The following DTX1 variants were observed in gnomAD, a reference collection of about 807,000 sequenced individuals.
The protein encoded by DTX1 is E3 ubiquitin-protein ligase DTX1.
DTX1 carries 26 observed loss-of-function variants against 57.8 expected under a neutral mutation model. The ratio of observed to expected loss-of-function variants is 0.45; its 90% CI spans 0.33 to 0.62. The LOEUF (loss-of-function observed/expected upper bound fraction) is 0.62, where lower values mean the gene tolerates loss of function less well. Ranked by LOEUF, DTX1 falls within the 20% of genes least tolerant of loss-of-function variation. DTX1 has a pLI of 0.02. For synonymous variants in DTX1, 398 were observed against 394.1 expected (o/e 1.01, Z -0.12); for missense variants, 704 against 895.3 (o/e 0.79, Z 2.73).
intron 3 of DTX1, among the ~76,000 whole-genome samples, chr12:113,079,371 C>T (rs2044798800): frequency 6.6e-6 from 1 of 152,244 alleles, no homozygotes; most frequent in Non-Finnish European, 1.5e-5. Context: ...TTTGGGGTCA[C>T]TGCATCCAGC....
rs959091398 is a variant in DTX1, at chr12:113,077,587, C to T, written c.423C>T (p.Asp141=). ...ACGAGAAGCAGCACCCGTGGCTCGA[C>T]CTCTCATCGCTAGGCTTCTGCTACC... ...NAYEKQHPWL[D]LSSLGFCYLI... Residue 141 remains aspartate (D), a synonymous_variant, in exon 3 of 10, where the codon GAC becomes GAT. Transcript: ENST00000548759. The surrounding 1 kb of genome is among the most constrained non-coding windows in gnomAD (Gnocchi z 7.8). 12 of 1,613,582 alleles carry T rather than the reference C, an allele frequency of 7.4e-6. No homozygotes were observed. The highest frequency in any genetic ancestry group is 1.0e-5 in the Non-Finnish European group (12 of 1,179,936).
chr12:113,078,113 G>A lies in DTX1; in HGVS notation c.941+8G>A. The A allele has an allele frequency of 1.5e-6, 2 of 1,354,390 alleles. No individual in the cohort carries two copies. Among genetic ancestry groups the A allele is most frequent in the South Asian group, 1.7e-5 (1 of 59,528 alleles). 83.9% of individuals were successfully genotyped at this position (1,354,390 alleles called of 1,614,324 possible). On this transcript the variant is annotated splice_region_variant and intron_variant, in intron 3 of 9. Transcript: ENST00000548759. ...CGCCTCCATCCCGCCGGGGTAAGAC[G>A]GGGCCCAGGGGGAGGGGGCCTCTGC...
chr12:113,066,554 G>T (rs115473393), intron 2 of DTX1, among the ~76,000 whole-genome samples: 1 of 151,830 alleles, frequency 6.6e-6, no homozygotes, highest in Non-Finnish European at 1.5e-5. Context: ...ATCGTAGTGG[G>T]TGGGGAGATT....
At chr12:113,076,758 T>G (rs1158897059) in intron 2 of DTX1, among the ~76,000 whole-genome samples, 1 of 152,192 alleles carries the variant, frequency 6.6e-6, no homozygotes, top group Non-Finnish European at 1.5e-5. Flanking sequence ...CAAGAATTGT[T>G]GAATGACTAA....
At chr12:113,066,605 A>G (rs1448221780) in intron 2 of DTX1, among the ~76,000 whole-genome samples, 2 of 152,024 alleles carry the variant, frequency 1.3e-5, no homozygotes, top group East Asian at 3.9e-4. Flanking sequence ...TGAGCCTCTG[A>G]GCCTCTGTTT....
In DTX1 at chr12:113,058,024, A is replaced by G. The variant is rs1036359654; in HGVS notation, c.-169A>G. Reference sequence around the variant, plus strand: ...TTTGCAGCCTGGATGGCCATCCCACATTCCTTTAACGGAGGTCTCTAGGCC... The same window carrying G: ...TTTGCAGCCTGGATGGCCATCCCACGTTCCTTTAACGGAGGTCTCTAGGCC... On this transcript the variant is annotated 5_prime_UTR_variant, in exon 2 of 10. Transcript: ENST00000548759. The G allele has an allele frequency of 4.4e-6, 5 of 1,133,590 alleles. No individual in the cohort carries two copies. In the African/African-American group the frequency reaches 7.8e-5, roughly 18 times the overall value. 70.2% of individuals were successfully genotyped at this position (1,133,590 alleles called of 1,614,324 possible). A position where few individuals can be genotyped will look rare whatever the true frequency, so the allele number is the denominator to read the frequency against.
At chr12:113,092,918 G>A (rs1950258371) in intron 3 of DTX1, among the ~76,000 whole-genome samples, 1 of 152,210 alleles carries the variant, frequency 6.6e-6, no homozygotes, top group Admixed American at 6.5e-5. Flanking sequence ...AGGGTAAGGA[G>A]GTGTCTGCAC....
At chr12:113,070,357 C>T (rs991387812) in intron 2 of DTX1, among the ~76,000 whole-genome samples, 7 of 152,240 alleles carry the variant, frequency 4.6e-5, no homozygotes, top group Admixed American at 4.6e-4. Flanking sequence ...CCCAGCCTGA[C>T]AGGATGTCCC....
chr12:113,057,198 CG>C (rs1215520080), intron 1 of DTX1, among the ~76,000 whole-genome samples: 2 of 151,986 alleles, frequency 1.3e-5, no homozygotes, highest in African/African-American at 4.8e-5. Context: ...GCGAGGGCCC[CG>C]GGGGAAGGGA....
In DTX1 at chr12:113,094,853, A is replaced by G. The variant is rs781753209; in HGVS notation, c.1292A>G (p.Lys431Arg). 3 of 1,613,820 alleles carry G rather than the reference A, an allele frequency of 1.9e-6. No individual in the cohort carries two copies. The highest frequency in any genetic ancestry group is 2.5e-6 in the Non-Finnish European group (3 of 1,180,014). Residue 431 changes from lysine (K) to arginine (R), a missense_variant, in exon 7 of 10, where the codon AAG becomes AGG. Around this residue, in one of 3 missense-constraint regions of DTX1, gnomAD observed 299 missense variants for 311.2 expected, o/e 0.96. Coordinates refer to ENST00000548759, the MANE Select transcript of DTX1 (RefSeq NM_004416.3). ...ASGYEGVLRH[K>R]GVRPELVGRL... ...GGCTACGAGGGCGTGCTTCGGCACAAGGGCGTGCGGCCTGAGCTCGTGGGC... is the reference window on the plus strand; with the variant it reads ...GGCTACGAGGGCGTGCTTCGGCACAGGGGCGTGCGGCCTGAGCTCGTGGGC...
chr12:113,058,173 C>A lies in DTX1; in HGVS notation c.-20C>A. The A allele has an allele frequency of 6.3e-7, 1 of 1,583,332 alleles. No individual in the cohort carries two copies. Among genetic ancestry groups the A allele is most frequent in the Non-Finnish European group, 8.6e-7 (1 of 1,163,552 alleles). ...GGGCCTGCAATAGTGGGGGACCTGG[C>A]CCCTGAGGCAGTGGCGGCCATGTCA... is the stretch of plus-strand genomic sequence containing the variant. On this transcript the variant is annotated 5_prime_UTR_variant, in exon 2 of 10. Transcript: ENST00000548759.
At chr12:113,057,121 G>T (rs558257388) in intron 1 of DTX1, among the ~76,000 whole-genome samples, 177 bp downstream of exon 1, 7 of 151,822 alleles carry the variant, frequency 4.6e-5, no homozygotes, top group Admixed American at 1.3e-4. Context: ...CCTGGGCCGC[G>T]CCTGCAGCGC....
Position 113,097,845 on chromosome 12 carries a change from T to G in DTX1, c.*906T>G, listed in dbSNP as rs1289216014. 2 of 152,710 alleles carry G rather than the reference T, an allele frequency of 1.3e-5. No homozygotes were observed. Among genetic ancestry groups the G allele is most frequent in the African/African-American group, 4.8e-5 (2 of 41,448 alleles). The allele number at this position is 152,710 out of a possible 1,614,324, so 9.5% of individuals were successfully genotyped here. On this transcript the variant is annotated 3_prime_UTR_variant, in exon 10 of 10. Transcript: ENST00000548759. ...TTTCCCTTTCGTTGGGAGTGGGCAG[T>G]GGGGTGGCTAATTGTCTTCGGCCAA...
At chr12:113,058,516 G>A in intron 2 of DTX1, 65 bp downstream of exon 2, 1 of 1,530,940 alleles carries the variant, frequency 6.5e-7, no homozygotes, top group Non-Finnish European at 8.7e-7. Context: ...AGCGTAGGAT[G>A]CTGAAAATCC....
intron 3 of DTX1, among the ~76,000 whole-genome samples, chr12:113,083,290 C>T (rs1452922712): frequency 1.3e-5 from 2 of 152,190 alleles, no homozygotes; most frequent in African/African-American, 2.4e-5. Flanking sequence ...CAGTTCAGCC[C>T]ATAACAATGT....
At position 113,077,584 on chromosome 12, in the gene DTX1, C is replaced by A; in HGVS notation, c.420C>A (p.Leu140=). The A allele has an allele frequency of 4.3e-6, 7 of 1,613,716 alleles. No individual in the cohort carries two copies. Among genetic ancestry groups the A allele is most frequent in the Non-Finnish European group, 5.1e-6 (6 of 1,179,916 alleles). ...CCTACGAGAAGCAGCACCCGTGGCT[C>A]GACCTCTCATCGCTAGGCTTCTGCT... ...QNAYEKQHPW[L]DLSSLGFCYL... The change falls in exon 3 of 10, where the codon CTC becomes CTA. Residue 140 remains leucine (L), a synonymous_variant. Transcript: ENST00000548759. The surrounding 1 kb of genome is among the most constrained non-coding windows in gnomAD (Gnocchi z 7.8).
chr12:113,057,957 GGCAGCACCCTTT>G lies in DTX1; in HGVS notation c.-235_-224del. 1.6e-6 allele frequency: 1 copy of G among 633,300 alleles called. No individual in the cohort carries two copies. The allele number at this position is 633,300 out of a possible 1,614,324, so 39.2% of individuals were successfully genotyped here. ...CATAAGAGAGACACTTGCTTTCCAGGGCAGCACCCTTTATCGGAGAAGGCTCTACAGGGAAGG... is the reference window on the plus strand; with the variant it reads ...CATAAGAGAGACACTTGCTTTCCAGGATCGGAGAAGGCTCTACAGGGAAGG... On this transcript the variant is annotated 5_prime_UTR_variant, in exon 2 of 10. Transcript: ENST00000548759.
rs144014904 is a variant in DTX1 at position 113,094,944 on chromosome 12, C to A, written c.1383C>A (p.Asn461Lys). 19 of 1,612,426 alleles carry A rather than the reference C, an allele frequency of 1.2e-5. No homozygotes were observed. The highest frequency in any genetic ancestry group is 1.6e-5 in the Non-Finnish European group (19 of 1,178,912). Residue 461 changes from asparagine to lysine, a missense_variant, in exon 7 of 10, where the codon AAC (asparagine) becomes AAA (lysine). This residue lies in a region of DTX1 where 168 missense variants were observed against 255.6 expected (regional missense o/e 0.66). Coordinates refer to ENST00000548759, the MANE Select transcript of DTX1 (RefSeq NM_004416.3). ...TCGTGGCCATGTACTCCAATGGCAA[C>A]AAGGTGGGTTGGGCGGGACAATGGC... Reference protein sequence around the residue: ...LCLVAMYSNGNKDGSLQCPTC... With the variant: ...LCLVAMYSNGKKDGSLQCPTC...
In DTX1 at chr12:113,085,207, C is replaced by T. The variant is rs1185255926; in HGVS notation, c.941+7102C>T. On this transcript the variant is annotated intron_variant, in intron 3 of 9. Coordinates refer to ENST00000548759, the MANE Select transcript of DTX1 (RefSeq NM_004416.3). ...TGGGACTACAGGCGCACGCCACCAACCCGGCTAATTTTTTATATTTTTTGT... is the reference window on the plus strand; with the variant it reads ...TGGGACTACAGGCGCACGCCACCAATCCGGCTAATTTTTTATATTTTTTGT... Among the ~76,000 whole-genome samples the T allele has an allele frequency of 2.4e-4, 36 of 152,142 alleles. 1 individual carries two copies. The highest frequency in any genetic ancestry group is 2.4e-3 in the Admixed American group (36 of 15,258).
Sources: allele counts gnomAD v4.1 joint callset (sites outside exome capture counted in the v4.1 genomes callset), GRCh38; gene constraint gnomAD v4.1.1; regional missense constraint gnomAD v4.1.1; non-coding constraint Gnocchi (gnomAD v3.1); transcripts MANE v1.5; gene names NCBI Gene and HGNC (gene_info 2026-07-23, HGNC 2026-07-21).